SIPA1L1: variants seen among roughly 807,000 people sequenced by gnomAD.
SIPA1L1 encodes the protein signal induced proliferation associated 1 like 1.
Under a neutral mutation model 162.7 loss-of-function variants are expected in SIPA1L1, and 26 were observed. The ratio of observed to expected loss-of-function variants is 0.16; its 90% CI spans 0.12 to 0.22. The LOEUF is 0.22. SIPA1L1 is among the 10% of genes least tolerant of loss of function. The probability of loss-of-function intolerance (pLI) is 1.00; values close to 1 mark genes in which losing one functional copy is unlikely to be tolerated. For synonymous variants in SIPA1L1, 829 were observed against 837.4 expected, an observed-to-expected ratio of 0.99 and a Z score of 0.17; for missense variants, 1,874 against 2,241.0, an observed-to-expected ratio of 0.84 and a Z score of 3.31.
At chr14:71,563,308 CGTT>C (rs969997877) in intron 4 of SIPA1L1, among the ~76,000 whole-genome samples, 7 of 148,990 alleles carry the variant, frequency 4.7e-5, no homozygotes, top group Admixed American at 3.3e-4. Flanking sequence ...AGTACCTCCT[CGTT>C]TTTTTTTTTT....
At chr14:71,358,749 T>C (rs1267623783) in intron 2 of SIPA1L1, among the ~76,000 whole-genome samples, 1 of 152,190 alleles carries the variant, frequency 6.6e-6, no homozygotes, top group Non-Finnish European at 1.5e-5. Context: ...GCATGACAGC[T>C]TCTGGGGAGG....
chr14:71,704,617 A>T (rs2082314282), intron 15 of SIPA1L1: 1 of 761,112 alleles, frequency 1.3e-6, no homozygotes, highest in African/African-American at 1.7e-5. Context: ...TAAATTCTTT[A>T]TCTCTCACTT....
At chr14:71,490,753 A>G (rs2049177594) in intron 2 of SIPA1L1, among the ~76,000 whole-genome samples, 1 of 152,206 alleles carries the variant, frequency 6.6e-6, no homozygotes, top group Admixed American at 6.5e-5. Flanking sequence ...TTTGTTGTAT[A>G]CCCATTTGAA....
chr14:71,701,202 G>A (rs1335804312), intron 14 of SIPA1L1, among the ~76,000 whole-genome samples: 1 of 151,888 alleles, frequency 6.6e-6, no homozygotes, highest in Non-Finnish European at 1.5e-5. Context: ...CTTGGCCCCA[G>A]GTCTTCCTAT....
intron 4 of SIPA1L1, among the ~76,000 whole-genome samples, chr14:71,556,266 C>T (rs928170543): frequency 3.3e-5 from 5 of 152,238 alleles, no homozygotes; most frequent in African/African-American, 1.2e-4. Flanking sequence ...TGTCTTTCCT[C>T]TGCTTTCATA....
At chr14:71,559,341 T>G (rs1223754741) in intron 4 of SIPA1L1, among the ~76,000 whole-genome samples, 1 of 152,194 alleles carries the variant, frequency 6.6e-6, no homozygotes, top group East Asian at 1.9e-4. Flanking sequence ...GTGCTGAGAT[T>G]ATAGTCTTGA....
intron 2 of SIPA1L1, among the ~76,000 whole-genome samples, chr14:71,382,375 G>A (rs1435947479): frequency 1.3e-5 from 2 of 152,200 alleles, no homozygotes; most frequent in African/African-American, 4.8e-5. Flanking sequence ...ATAGGCTTTA[G>A]AATCTGGATA....
At chr14:71,336,880 T>C (rs1346426101) in intron 2 of SIPA1L1, among the ~76,000 whole-genome samples, 1 of 152,242 alleles carries the variant, frequency 6.6e-6, no homozygotes, top group African/African-American at 2.4e-5. Flanking sequence ...ATCATTTTTT[T>C]CCCTTTGAAT....
At chr14:71,737,819 T>A (rs1383631027) in intron 22 of SIPA1L1, among the ~76,000 whole-genome samples, 8 of 151,916 alleles carry the variant, frequency 5.3e-5, no homozygotes. Context: ...TCACATCAGC[T>A]CCCCAGCTTC....
intron 2 of SIPA1L1, among the ~76,000 whole-genome samples, chr14:71,492,048 C>T (rs2049326132): frequency 1.3e-5 from 2 of 152,098 alleles, no homozygotes; most frequent in Non-Finnish European, 2.9e-5. Context: ...GGCGAGGCAC[C>T]ACGGTAGCTA....
rs192247730 is a variant in SIPA1L1 at position 71,419,851 on chromosome 14, A to T, written c.-464-92892A>T. ...AAACTAACCTGGGCAACATAGTGAG[A>T]CCCCATCTCTTAAAAAAAAATTAGC... On this transcript the variant is annotated intron_variant, in intron 2 of 23. Coordinates refer to ENST00000381232, the MANE Select transcript of SIPA1L1 (RefSeq NM_001386936.1). Among the ~76,000 whole-genome samples, 244 of 151,622 alleles carry T rather than the reference A, an allele frequency of 1.6e-3. 1 individual carries two copies. Among genetic ancestry groups the T allele is most frequent in the Non-Finnish European group, 2.9e-3 (200 of 67,872 alleles).
At chr14:71,403,934 A>G (rs1051049368) in intron 2 of SIPA1L1, among the ~76,000 whole-genome samples, 2 of 152,024 alleles carry the variant, frequency 1.3e-5, no homozygotes, top group Non-Finnish European at 2.9e-5. Flanking sequence ...TTTTATATCT[A>G]TTGTAGGATG....
intron 2 of SIPA1L1, among the ~76,000 whole-genome samples, chr14:71,382,396 A>G (rs763291645): frequency 6.6e-6 from 1 of 152,270 alleles, no homozygotes; most frequent in Non-Finnish European, 1.5e-5. Context: ...AGCAATGAAT[A>G]TGATATGGAA....
At chr14:71,673,479 A>T (rs1229294196) in intron 12 of SIPA1L1, among the ~76,000 whole-genome samples, 2 of 152,198 alleles carry the variant, frequency 1.3e-5, no homozygotes, top group African/African-American at 4.8e-5. Context: ...CACTAAGATG[A>T]CCAGTCCTAC....
In SIPA1L1 at chr14:71,550,398, G is replaced by A. The variant is rs79563499; in HGVS notation, c.-303+21028G>A. Among the ~76,000 whole-genome samples, 960 of 152,266 alleles carry A rather than the reference G, an allele frequency of 6.3e-3. 5 individuals carry two copies. Among genetic ancestry groups the A allele is most frequent in the African/African-American group, 0.022 (903 of 41,546 alleles). On this transcript the variant is annotated intron_variant, in intron 4 of 23. Coordinates refer to ENST00000381232, the MANE Select transcript of SIPA1L1 (RefSeq NM_001386936.1). ...GAGTAGTCTAGAGCTGAAGTTATAA[G>A]CAAAGCAGTTTGTTAGCTCACTGAA...
chr14:71,452,766 A>G (rs1172474225), intron 2 of SIPA1L1, among the ~76,000 whole-genome samples: 1 of 152,202 alleles, frequency 6.6e-6, no homozygotes, highest in African/African-American at 2.4e-5. Flanking sequence ...TGCAGATTGC[A>G]TCTCCCTGAT....
intron 7 of SIPA1L1, among the ~76,000 whole-genome samples, chr14:71,648,851 AGCT>A (rs2042389159): frequency 6.6e-6 from 1 of 152,174 alleles, no homozygotes. Flanking sequence ...TAGTTAATGG[AGCT>A]GAGTCACAGA....
intron 2 of SIPA1L1, among the ~76,000 whole-genome samples, chr14:71,464,245 C>T (rs1203592200): frequency 2.0e-5 from 3 of 152,194 alleles, no homozygotes; most frequent in Non-Finnish European, 4.4e-5. Flanking sequence ...GGAGATCAGG[C>T]ATTTCCAGGT....
chr14:71,469,187 G>C (rs1460889905), intron 2 of SIPA1L1, among the ~76,000 whole-genome samples: 1 of 150,828 alleles, frequency 6.6e-6, no homozygotes, highest in African/African-American at 2.4e-5. Context: ...TTACCCATCC[G>C]CAGAGTCCAC....
Sources: allele counts gnomAD v4.1 joint callset (sites outside exome capture counted in the v4.1 genomes callset), GRCh38; gene constraint gnomAD v4.1.1; transcripts MANE v1.5; gene names NCBI Gene and HGNC (gene_info 2026-07-23, HGNC 2026-07-21).